LPIN2: variants seen among roughly 807,000 people sequenced by gnomAD.
LPIN2 encodes phosphatidate phosphatase LPIN2.
A neutral mutation model predicts 111.4 loss-of-function variants in LPIN2; 55 were observed. The observed-to-expected ratio is 0.49, with a 90% CI of 0.40 to 0.62. The LOEUF is 0.62. LPIN2 is among the 20% of genes least tolerant of loss of function. The pLI is 0.00. For missense variants in LPIN2, 992 were observed against 1,112.1 expected (o/e 0.89, Z 1.54); for synonymous variants, 425 against 414.0 (o/e 1.03, Z -0.32).
rs1323426575 is a variant in LPIN2 at position 2,929,119 on chromosome 18, G to A, written c.1496C>T (p.Ala499Val). ...MEHIITYHEF[A>V]ENPGLIDNPN... Reference sequence around the variant, plus strand: ...ATTGTCTATAAGTCCAGGGTTTTCTGCAAATTCGTGATAAGTAATGATATG... The same window carrying A: ...ATTGTCTATAAGTCCAGGGTTTTCTACAAATTCGTGATAAGTAATGATATG... Residue 499 changes from alanine (A) to valine (V), a missense_variant, in exon 10 of 20, where the codon GCA becomes GTA. Physicochemically the swap from Ala to Val is moderately conservative, Grantham distance 64. This residue lies in a region of LPIN2 where 709 missense variants were observed against 753.2 expected (regional missense o/e 0.94). Transcript: ENST00000677752. 1 of 1,607,670 alleles carries A rather than the reference G, an allele frequency of 6.2e-7. No homozygotes were observed.
chr18:2,975,381 C>A (rs558926404), intron 1 of LPIN2, among the ~76,000 whole-genome samples: 1 of 152,316 alleles, frequency 6.6e-6, no homozygotes, highest in South Asian at 2.1e-4. Context: ...GCTGCCCAGG[C>A]TGGAGTGCAA....
Position 2,924,388 on chromosome 18 carries a change from T to C in LPIN2, c.2087+10A>G, listed in dbSNP as rs2077100527. 2.5e-6 allele frequency: 4 copies of C among 1,614,062 alleles called. No individual in the cohort carries two copies. Among genetic ancestry groups the C allele is most frequent in the Non-Finnish European group, 2.5e-6 (3 of 1,179,956 alleles). ...TGTTCCTTGCCACCCACCTGAAGGA[T>C]TGAGCTTACTTGGTTATTGTCCCAT... On this transcript the variant is annotated intron_variant, in intron 15 of 19. Coordinates refer to ENST00000677752, the MANE Select transcript of LPIN2 (RefSeq NM_001375808.2).
At chr18:2,998,095 G>C (rs2078372855) in intron 1 of LPIN2, among the ~76,000 whole-genome samples, 1 of 152,174 alleles carries the variant, frequency 6.6e-6, no homozygotes. Flanking sequence ...ATTCTGCATG[G>C]TGCCCACTGG....
At chr18:3,007,711 G>T (rs1275085262) in intron 1 of LPIN2, among the ~76,000 whole-genome samples, 1 of 152,112 alleles carries the variant, frequency 6.6e-6, no homozygotes, top group African/African-American at 2.4e-5. Flanking sequence ...CAACTGTGAG[G>T]AAAAATATCC....
chr18:2,990,044 T>C (rs1285739335), intron 1 of LPIN2, among the ~76,000 whole-genome samples: 1 of 152,192 alleles, frequency 6.6e-6, no homozygotes, highest in Non-Finnish European at 1.5e-5. Context: ...CAATTGATAT[T>C]TGACAAGAGT....
chr18:2,949,592 A>C (rs940651227), intron 4 of LPIN2, among the ~76,000 whole-genome samples: 5 of 152,232 alleles, frequency 3.3e-5, no homozygotes, highest in African/African-American at 1.2e-4. Context: ...GTGAGCAATA[A>C]AACAAGAGGA....
At chr18:2,962,040 G>C (rs927519777) in intron 1 of LPIN2, among the ~76,000 whole-genome samples, 2 of 152,190 alleles carry the variant, frequency 1.3e-5, no homozygotes, top group Non-Finnish European at 2.9e-5. Flanking sequence ...AAACTGAACT[G>C]GGAGAAAGAA....
intron 1 of LPIN2, among the ~76,000 whole-genome samples, chr18:2,987,920 TC>T (rs2078209888): frequency 7.1e-6 from 1 of 141,556 alleles, no homozygotes; most frequent in South Asian, 2.2e-4. Flanking sequence ...ACGCCTGTAA[TC>T]CCAGCTACTC....
chr18:2,956,311 G>GGTGTGTGT (rs55844718), intron 2 of LPIN2, among the ~76,000 whole-genome samples: 14,702 of 143,896 alleles, frequency 0.1, 1,038 homozygotes, highest in East Asian at 0.2. Flanking sequence ...TAGATGCAGG[G>GGTGTGTGT]GTGTGTGTGT....
At chr18:2,959,682 C>T (rs1003558948) in intron 2 of LPIN2, among the ~76,000 whole-genome samples, 2 of 152,190 alleles carry the variant, frequency 1.3e-5, no homozygotes, top group African/African-American at 2.4e-5. Context: ...AAAACCTACA[C>T]AAATATCTTC....
At position 2,940,684 on chromosome 18, in the gene LPIN2, C is replaced by T; in HGVS notation, c.619G>A (p.Glu207Lys). 6.2e-7 allele frequency: 1 copy of T among 1,612,960 alleles called. No individual in the cohort carries two copies. The highest frequency in any genetic ancestry group is 1.1e-5 in the South Asian group (1 of 91,044). Residue 207 changes from glutamate (E) to lysine (K), a missense_variant, in exon 5 of 20, where the codon GAA becomes AAA. Physicochemically the swap from Glu to Lys is moderately conservative, Grantham distance 56. Around this residue, in one of 4 missense-constraint regions of LPIN2, gnomAD observed 709 missense variants for 753.2 expected, o/e 0.94. Coordinates refer to ENST00000677752, the MANE Select transcript of LPIN2 (RefSeq NM_001375808.2). ...AAGAGCAAAGGCTCTTTACATTCTT[C>T]TTCTTTCAAGGAAGCATTTGAAGAT... Reference protein sequence around the residue: ...RGSSNASLKEEECKEPLLFHS... With the variant: ...RGSSNASLKEKECKEPLLFHS...
At chr18:2,945,343 G>A (rs2077434062) in intron 4 of LPIN2, among the ~76,000 whole-genome samples, 1 of 152,100 alleles carries the variant, frequency 6.6e-6, no homozygotes, top group African/African-American at 2.4e-5. Context: ...AGGGAGAAAC[G>A]AATAATCAAT....
At chr18:2,975,948 C>T (rs2078006360) in intron 1 of LPIN2, among the ~76,000 whole-genome samples, 1 of 152,112 alleles carries the variant, frequency 6.6e-6, no homozygotes. Context: ...TTGAAACACT[C>T]CAACTCTATC....
intron 10 of LPIN2, 98 bp from the exon 11 acceptor site, chr18:2,928,758 T>A (rs1394713825): frequency 3.4e-6 from 3 of 881,094 alleles, no homozygotes; most frequent in Non-Finnish European, 5.6e-6. Context: ...AAGTGACATA[T>A]AAAATTGCTT....
chr18:2,921,490 G>C (rs1023548528), intron 18 of LPIN2, 43 bp downstream of exon 18: 2 of 1,456,488 alleles, frequency 1.4e-6, no homozygotes, highest in African/African-American at 2.8e-5. Flanking sequence ...ACATCCCTCT[G>C]AATTTCACCC....
At chr18:2,965,505 G>T (rs535181514) in intron 1 of LPIN2, among the ~76,000 whole-genome samples, 114 of 152,278 alleles carry the variant, frequency 7.5e-4, no homozygotes, top group South Asian at 3.3e-3. Flanking sequence ...GAGGCAGGTA[G>T]ATCACTTGAG....
chr18:2,939,705 T>C, intron 5 of LPIN2, 102 bp from the exon 6 acceptor site: 1 of 1,251,238 alleles, frequency 8.0e-7, no homozygotes, highest in South Asian at 1.2e-5. Context: ...ATCTTGACTT[T>C]ATCCTGCATA....
rs371467388 is a variant in LPIN2, at chr18:2,958,912, TAAA to T, written c.192+1734_192+1736del. Among the ~76,000 whole-genome samples, 196 of 149,822 alleles carry T rather than the reference TAAA, an allele frequency of 1.3e-3. 4 individuals are homozygous for T. In the South Asian group the frequency reaches 0.041, roughly 31 times the overall value. On this transcript the variant is annotated intron_variant, in intron 2 of 19. Transcript: ENST00000677752. ...AAGGCCAGACACTGATCCAATGTGA[TAAA>T]AAACAATCTCAGCAAAAAAAAAAAA...
intron 1 of LPIN2, among the ~76,000 whole-genome samples, chr18:2,980,799 G>C (rs1487671722): frequency 6.6e-6 from 1 of 152,004 alleles, no homozygotes; most frequent in Non-Finnish European, 1.5e-5. Context: ...GACCTCTAGA[G>C]TCCCCCCCCA....
Sources: gnomAD v4.1 joint callset for allele counts (sites outside exome capture counted in the v4.1 genomes callset) on GRCh38, gnomAD v4.1.1 for gene constraint, gnomAD v4.1.1 regional missense constraint, MANE v1.5 for transcripts, NCBI Gene and HGNC (gene_info 2026-07-23, HGNC 2026-07-21) for gene names.